PREPL: variants seen among roughly 807,000 people sequenced by gnomAD.
PREPL encodes the protein prolyl endopeptidase-like.
Under a neutral mutation model 70.6 loss-of-function variants are expected in PREPL, and 77 were observed. The observed-to-expected ratio is 1.09, with a 90% CI of 0.91 to 1.32. PREPL has a LOEUF of 1.32. PREPL is among the 40% of genes most tolerant of loss of function. PREPL has a pLI of 0.00. For missense variants in PREPL, 1,002 were observed against 778.2 expected, an observed-to-expected ratio of 1.29 and a Z score of -3.42; for synonymous variants, 315 against 264.8, an observed-to-expected ratio of 1.19 and a Z score of -1.84.
chr2:44,359,513 C>T lies in PREPL; in HGVS notation c.-49+1867G>A, dbSNP rs774922740. 3.1e-6 allele frequency: 5 copies of T among 1,610,176 alleles called. No homozygotes were observed. Among genetic ancestry groups the T allele is most frequent in the Middle Eastern group, 1.7e-4 (1 of 5,752 alleles). On this transcript the variant is annotated intron_variant, in intron 1 of 13. Transcript: ENST00000409411. The stretch of plus-strand genomic sequence containing the variant: ...AGTCCATACCTTACATGAGAAGCTC[C>T]GACTTGGGATGTTTCTTGCTAACTC...
Position 44,321,854 on chromosome 2 carries a change from A to T in PREPL, c.1800T>A (p.Asn600Lys). The T allele has an allele frequency of 6.2e-7, 1 of 1,613,718 alleles. No individual in the cohort carries two copies. Among genetic ancestry groups the T allele is most frequent in the South Asian group, 1.1e-5 (1 of 91,068 alleles). Reference protein sequence around the residue: ...NIILDIQPGGNHVIEDSHKKI... With the variant: ...NIILDIQPGGKHVIEDSHKKI... Reference sequence around the variant, plus strand: ...TTTTGTGAGAATCCTCAATTACATGATTGCCTCCAGGCTGAATATCTAGAA... The same window carrying T: ...TTTTGTGAGAATCCTCAATTACATGTTTGCCTCCAGGCTGAATATCTAGAA... The change falls in exon 13 of 14, where the codon AAT (asparagine) becomes AAA (lysine). Residue 600 changes from asparagine to lysine, a missense_variant. Coordinates refer to ENST00000409411, the MANE Select transcript of PREPL (RefSeq NM_001171613.2).
chr2:44,341,076 A>G (rs1675171263), intron 5 of PREPL, among the ~76,000 whole-genome samples: 1 of 152,020 alleles, frequency 6.6e-6, no homozygotes, highest in Non-Finnish European at 1.5e-5. Context: ...GACTGCTACT[A>G]CCCTTTGTAA....
intron 7 of PREPL, among the ~76,000 whole-genome samples, chr2:44,337,594 G>T (rs1332517528): frequency 2.6e-5 from 4 of 152,096 alleles, no homozygotes; most frequent in Non-Finnish European, 5.9e-5. Context: ...TCATCAACTG[G>T]CTCAGTAACT....
chr2:44,337,846 C>T (rs552051865), intron 7 of PREPL, among the ~76,000 whole-genome samples: 3 of 152,338 alleles, frequency 2.0e-5, no homozygotes, highest in African/African-American at 7.2e-5. Context: ...GCTACTCCTA[C>T]ACTGAAAGAA....
At chr2:44,338,618 G>C in intron 6 of PREPL, 82 bp from the exon 7 acceptor site, 4 of 1,095,778 alleles carry the variant, frequency 3.7e-6, no homozygotes, top group East Asian at 4.8e-5. Flanking sequence ...CTGAGAACTA[G>C]ACCATACTAG....
intron 8 of PREPL, among the ~76,000 whole-genome samples, chr2:44,329,795 A>T (rs1214897113): frequency 1.3e-5 from 2 of 152,180 alleles, no homozygotes; most frequent in South Asian, 2.1e-4. Context: ...TGTAGCTCAA[A>T]CTCATCAGTT....
At chr2:44,358,528 C>T (rs911388299) in intron 1 of PREPL, among the ~76,000 whole-genome samples, 2 of 152,122 alleles carry the variant, frequency 1.3e-5, no homozygotes, top group Non-Finnish European at 2.9e-5. Context: ...GCAGCAGCAG[C>T]ACAAATAGAT....
At chr2:44,354,937 A>C (rs1260135833) in intron 1 of PREPL, among the ~76,000 whole-genome samples, 2 of 152,244 alleles carry the variant, frequency 1.3e-5, no homozygotes, top group Admixed American at 1.3e-4. Context: ...AAATAAGTCC[A>C]TCTGAAACAT....
rs1553357044 is a variant in PREPL at position 44,339,208 on chromosome 2, A to G, written c.641T>C (p.Val214Ala). 1.2e-6 allele frequency: 2 copies of G among 1,614,168 alleles called. No homozygotes were observed. The highest frequency in any genetic ancestry group is 1.7e-5 in the Admixed American group (1 of 60,010). ...QKRIHGVLYY[V>A]EHRDDELYIL... ...GTATAATTCATCATCTCTGTGTTCA[A>G]CATAGTAAAGGACCCCATGTATTCG... The change falls in exon 6 of 14, where the codon GTT becomes GCT. Residue 214 changes from valine to alanine, a missense_variant. Physicochemically the swap from Val to Ala is moderately conservative, Grantham distance 64. Coordinates refer to ENST00000409411, the MANE Select transcript of PREPL (RefSeq NM_001171613.2).
chr2:44,354,873 G>A (rs1282745733), intron 1 of PREPL, among the ~76,000 whole-genome samples: 2 of 152,134 alleles, frequency 1.3e-5, no homozygotes, highest in African/African-American at 2.4e-5. Context: ...CGCCACGCCC[G>A]GCCTTCTTCA....
chr2:44,320,892 G>C lies in PREPL; in HGVS notation c.*464C>G. On this transcript the variant is annotated 3_prime_UTR_variant, in exon 14 of 14. Transcript: ENST00000409411. ...ATCAGGGATGACCAGAACACATTAG[G>C]ACCCCAGATTATTCAAAAACTTTAA... The C allele has an allele frequency of 2.0e-6, 1 of 495,416 alleles. No homozygotes were observed. Among genetic ancestry groups the C allele is most frequent in the Non-Finnish European group, 3.6e-6 (1 of 277,112 alleles). The allele number at this position is 495,416 out of a possible 1,614,324, so 30.7% of individuals were successfully genotyped here.
At chr2:44,359,862 T>C in intron 1 of PREPL, 1 of 600,760 alleles carries the variant, frequency 1.7e-6, no homozygotes, top group Non-Finnish European at 2.9e-6. Flanking sequence ...CCACTTAGGT[T>C]ATGAATAACT....
In PREPL at chr2:44,338,438, C is replaced by T; in HGVS notation, c.801G>A (p.Lys267=). The T allele has an allele frequency of 6.2e-7, 1 of 1,613,092 alleles. No individual in the cohort carries two copies. Among genetic ancestry groups the T allele is most frequent in the Non-Finnish European group, 8.5e-7 (1 of 1,179,532 alleles). Reference sequence around the variant, plus strand: ...GCTTCAGAAATAGAACACAGTGATCCTTAAACATGTCCAAGTCTATCACTT... The same window carrying T: ...GCTTCAGAAATAGAACACAGTGATCTTTAAACATGTCCAAGTCTATCACTT... ...NTKVIDLDMF[K]DHCVLFLKHS... is the part of the protein sequence containing the mutation. Residue 267 remains lysine, a synonymous_variant, in exon 7 of 14, where the codon AAG becomes AAA. Transcript: ENST00000409411.
rs774644274 is a variant in PREPL, at chr2:44,342,525, T to C, written c.377A>G (p.Asp126Gly). 3 of 1,609,266 alleles carry C rather than the reference T, an allele frequency of 1.9e-6. No individual in the cohort carries two copies. Among genetic ancestry groups the C allele is most frequent in the African/African-American group, 1.3e-5 (1 of 74,470 alleles). Residue 126 changes from aspartate to glycine, a missense_variant, in exon 5 of 14, where the codon GAT becomes GGT. Coordinates refer to ENST00000409411, the MANE Select transcript of PREPL (RefSeq NM_001171613.2). Reference protein sequence around the residue: ...FEWVKDEEDEDVLFYTFQRNL... With the variant: ...FEWVKDEEDEGVLFYTFQRNL... ...CCTCTGGAAGGTGTAGAATAAAACA[T>C]CTTCATCTTCCTCGTCCTTTACCCA...
At chr2:44,349,980 C>G (rs377632075) in intron 1 of PREPL, among the ~76,000 whole-genome samples, 1 of 151,868 alleles carries the variant, frequency 6.6e-6, no homozygotes, top group Non-Finnish European at 1.5e-5. Context: ...AAAGAAACAC[C>G]AAGCCCAGAT....
intron 1 of PREPL, among the ~76,000 whole-genome samples, chr2:44,348,305 G>A (rs1572548366): frequency 6.6e-6 from 1 of 152,094 alleles, no homozygotes; most frequent in African/African-American, 2.4e-5. Flanking sequence ...CTTTAAAGTG[G>A]TGAGACATGA....
intron 2 of PREPL, 63 bp from the exon 3 acceptor site, chr2:44,344,649 A>T: frequency 8.0e-7 from 1 of 1,243,924 alleles, no homozygotes; most frequent in Non-Finnish European, 1.1e-6. Flanking sequence ...TAGTCTGACT[A>T]TTCAAGATGA....
intron 8 of PREPL, among the ~76,000 whole-genome samples, chr2:44,330,084 T>C (rs1673938931): frequency 6.6e-6 from 1 of 151,930 alleles, no homozygotes; most frequent in South Asian, 2.1e-4. Context: ...CAAGTTGTTA[T>C]GACATTGTTA....
At chr2:44,325,069 T>C (rs1045173914) in intron 10 of PREPL, among the ~76,000 whole-genome samples, 1 of 152,188 alleles carries the variant, frequency 6.6e-6, no homozygotes, top group Non-Finnish European at 1.5e-5. Flanking sequence ...CTGCCTACCA[T>C]ATGAACTTTT....
Sources: gnomAD v4.1 joint callset for allele counts (sites outside exome capture counted in the v4.1 genomes callset) on GRCh38, gnomAD v4.1.1 for gene constraint, MANE v1.5 for transcripts, NCBI Gene and HGNC (gene_info 2026-07-23, HGNC 2026-07-21) for gene names.